The following AP1AR variants were observed in gnomAD, a reference collection of about 807,000 sequenced individuals.
AP1AR encodes adaptor related protein complex 1 associated regulatory protein.
A neutral mutation model predicts 46.3 loss-of-function variants in AP1AR; 29 were observed. The observed-to-expected ratio is 0.63, with a 90% CI of 0.47 to 0.85. The LOEUF is 0.85. Among genes scored for constraint, AP1AR ranks in the 40% least tolerant of loss-of-function variants. The pLI is 0.00. For synonymous variants in AP1AR, 122 were observed against 122.9 expected, an observed-to-expected ratio of 0.99 and a Z score of 0.05; for missense variants, 357 against 356.3, an observed-to-expected ratio of 1.00 and a Z score of -0.02.
chr4:112,265,912 A>G, intron 8 of AP1AR, 105 bp downstream of exon 8: 3 of 684,586 alleles, frequency 4.4e-6, no homozygotes, highest in Non-Finnish European at 7.2e-6. Flanking sequence ...TTAAATTTGT[A>G]ATTCCCAGAT....
intron 1 of AP1AR, among the ~76,000 whole-genome samples, chr4:112,246,525 A>G (rs1725733769): frequency 6.6e-6 from 1 of 152,166 alleles, no homozygotes; most frequent in Non-Finnish European, 1.5e-5. Context: ...AAAATACATA[A>G]TAATTTTGTT....
intron 3 of AP1AR, among the ~76,000 whole-genome samples, chr4:112,257,277 T>C (rs1314476824): frequency 6.6e-6 from 1 of 152,180 alleles, no homozygotes; most frequent in African/African-American, 2.4e-5. Context: ...GGAATGTGCA[T>C]TGCTGAGCAA....
intron 1 of AP1AR, among the ~76,000 whole-genome samples, chr4:112,250,584 T>G (rs1725912451): frequency 6.6e-6 from 1 of 152,230 alleles, no homozygotes; most frequent in African/African-American, 2.4e-5. Context: ...AATAAGTAAC[T>G]TAATTCATGG....
chr4:112,248,430 C>A (rs1269113814), intron 1 of AP1AR, among the ~76,000 whole-genome samples: 2 of 151,900 alleles, frequency 1.3e-5, no homozygotes, highest in Non-Finnish European at 2.9e-5. Flanking sequence ...TTAAAAAAAA[C>A]AGTTCTTAAT....
chr4:112,253,764 C>G (rs989193646), intron 2 of AP1AR, among the ~76,000 whole-genome samples: 4 of 152,172 alleles, frequency 2.6e-5, no homozygotes, highest in Non-Finnish European at 5.9e-5. Context: ...GGTGGTCACC[C>G]TGTTTCATGG....
intron 1 of AP1AR, among the ~76,000 whole-genome samples, chr4:112,232,788 T>G (rs1326521940): frequency 6.6e-6 from 1 of 152,170 alleles, no homozygotes; most frequent in Non-Finnish European, 1.5e-5. Context: ...TCGTATTAAG[T>G]TTTTGAAATT....
chr4:112,239,782 G>A (rs371983830), intron 1 of AP1AR, among the ~76,000 whole-genome samples: 3 of 152,232 alleles, frequency 2.0e-5, no homozygotes, highest in South Asian at 2.1e-4. Context: ...TGTAGACTCC[G>A]AGCATTTGTT....
intron 1 of AP1AR, among the ~76,000 whole-genome samples, chr4:112,233,835 T>G (rs938227083): frequency 6.6e-5 from 10 of 152,170 alleles, no homozygotes; most frequent in African/African-American, 1.7e-4. Flanking sequence ...AGATATGCCA[T>G]AAAAACATAA....
At chr4:112,268,067 A>T (rs1726780140) in intron 9 of AP1AR, 77 bp from the exon 10 acceptor site, 1 of 1,385,428 alleles carries the variant, frequency 7.2e-7, no homozygotes, top group Admixed American at 2.6e-5. Flanking sequence ...TAAAAACTAC[A>T]TTGCTAAATT....
intron 4 of AP1AR, among the ~76,000 whole-genome samples, chr4:112,260,123 C>G (rs776659190): frequency 1.8e-4 from 27 of 152,020 alleles, no homozygotes; most frequent in Non-Finnish European, 2.9e-4. Flanking sequence ...AAGGGCTGAA[C>G]ATGGAAATGA....
chr4:112,247,571 T>C (rs1725777861), intron 1 of AP1AR, among the ~76,000 whole-genome samples: 1 of 152,186 alleles, frequency 6.6e-6, no homozygotes, highest in Non-Finnish European at 1.5e-5. Flanking sequence ...AGCCTTGATT[T>C]TTCCTTTTTA....
intron 1 of AP1AR, among the ~76,000 whole-genome samples, chr4:112,246,924 TA>T (rs892279886): frequency 1.3e-5 from 2 of 151,340 alleles, no homozygotes; most frequent in African/African-American, 4.8e-5. Flanking sequence ...ACATCTTTTT[TA>T]AAAATATGAT....
chr4:112,250,462 T>C (rs1725905998), intron 1 of AP1AR, among the ~76,000 whole-genome samples: 1 of 152,224 alleles, frequency 6.6e-6, no homozygotes, highest in South Asian at 2.1e-4. Context: ...TGGTTTTATA[T>C]GGCTGGAAGT....
rs925336269 is a variant in AP1AR at position 112,266,000 on chromosome 4, C to A, written c.514+193C>A. Among the ~76,000 whole-genome samples the A allele has an allele frequency of 2.8e-4, 43 of 151,782 alleles. 1 individual carries two copies. Among genetic ancestry groups the A allele is most frequent in the African/African-American group, 8.4e-4 (35 of 41,508 alleles). On this transcript the variant is annotated intron_variant, in intron 8 of 9. Transcript: ENST00000274000. ...AAAAGAAGTTGGAGCAAAGAAAAATCTCAGACTATTTCTGTAGATCCATAT... is the reference window on the plus strand; with the variant it reads ...AAAAGAAGTTGGAGCAAAGAAAAATATCAGACTATTTCTGTAGATCCATAT...
At chr4:112,241,959 C>T (rs1214914291) in intron 1 of AP1AR, among the ~76,000 whole-genome samples, 4 of 151,878 alleles carry the variant, frequency 2.6e-5, no homozygotes, top group Admixed American at 2.6e-4. Context: ...TACCATGATT[C>T]TTCATCATTT....
intron 1 of AP1AR, among the ~76,000 whole-genome samples, chr4:112,233,932 C>T (rs1297849760): frequency 6.6e-6 from 1 of 152,210 alleles, no homozygotes; most frequent in Non-Finnish European, 1.5e-5. Flanking sequence ...GATCTCGGCT[C>T]ACTGCAACCT....
intron 1 of AP1AR, among the ~76,000 whole-genome samples, chr4:112,251,413 C>T (rs1321765726): frequency 1.3e-5 from 2 of 152,220 alleles, no homozygotes; most frequent in African/African-American, 4.8e-5. Context: ...CCATCTAATA[C>T]AAATGTAGTG....
intron 1 of AP1AR, among the ~76,000 whole-genome samples, chr4:112,243,333 A>G (rs1725588317): frequency 6.6e-6 from 1 of 152,108 alleles, no homozygotes; most frequent in African/African-American, 2.4e-5. Flanking sequence ...TTCATATTAC[A>G]TCCCCATTGG....
intron 6 of AP1AR, 67 bp downstream of exon 6, chr4:112,263,153 G>A: frequency 1.6e-6 from 2 of 1,242,016 alleles, no homozygotes; most frequent in Non-Finnish European, 2.3e-6. Context: ...ACAAATCTTA[G>A]TTGGGACTCT....
Sources: gnomAD v4.1 joint callset for allele counts (sites outside exome capture counted in the v4.1 genomes callset) on GRCh38, gnomAD v4.1.1 for gene constraint, MANE v1.5 for transcripts, NCBI Gene and HGNC (gene_info 2026-07-23, HGNC 2026-07-21) for gene names.